The following GPRIN3 variants were observed in gnomAD, a reference collection of about 807,000 sequenced individuals.
GPRIN3 encodes GPRIN family member 3.
GPRIN3 carries 12 observed loss-of-function variants against 13.7 expected under a neutral mutation model. That is an observed-to-expected ratio of 0.87 (90% CI 0.56 to 1.42). The LOEUF (loss-of-function observed/expected upper bound fraction) is 1.42, where lower values mean the gene tolerates loss of function less well. GPRIN3 is among the 40% of genes most tolerant of loss of function. The pLI, the probability that GPRIN3 is intolerant of heterozygous loss-of-function variation, is 0.00. For missense variants in GPRIN3, 1,009 were observed against 958.7 expected (o/e 1.05, Z -0.69); for synonymous variants, 377 against 372.7 (o/e 1.01, Z -0.13).
intron 1 of GPRIN3, among the ~76,000 whole-genome samples, chr4:89,279,146 G>C (rs1724173784): frequency 6.6e-6 from 1 of 152,278 alleles, no homozygotes; most frequent in East Asian, 1.9e-4. Flanking sequence ...AATTTGGGGA[G>C]GTTGGACAGC....
rs1722886941 is a variant in GPRIN3 at position 89,240,175 on chromosome 4, C to T, written c.*7605G>A. ...AATCTTGTTCAGAGTTGACACTTGC[C>T]AGCTAATGATTCTAATGTTGTTAGA... On this transcript the variant is annotated 3_prime_UTR_variant, in exon 2 of 2. Coordinates refer to ENST00000609438, the MANE Select transcript of GPRIN3 (RefSeq NM_198281.3). 1 of 152,122 alleles carries T rather than the reference C, an allele frequency of 6.6e-6. No homozygotes were observed. Among genetic ancestry groups the T allele is most frequent in the Non-Finnish European group, 1.5e-5 (1 of 68,016 alleles). 9.4% of individuals were successfully genotyped at this position (152,122 alleles called of 1,614,324 possible).
rs57752539 is a variant in GPRIN3 at position 89,307,269 on chromosome 4, T to TCACACACACACACA, written c.-124+332_-124+345dup. 3.4e-3 allele frequency among the ~76,000 whole-genome samples: 505 copies of TCACACACACACACA among 147,270 alleles called. 2 individuals are homozygous for TCACACACACACACA. Among genetic ancestry groups the TCACACACACACACA allele is most frequent in the African/African-American group, 0.012 (473 of 39,864 alleles). ...TAAGCATAGGAAAATGAGACAAATG[T>TCACACACACACACA]CACACACACACACACACACACACAC... On this transcript the variant is annotated intron_variant, in intron 1 of 1. Transcript: ENST00000609438.
rs1723765306 is a variant in GPRIN3 at position 89,265,869 on chromosome 4, A to ATAGTTACTTTGTAAC, written c.-123-15637_-123-15636insGTTACAAAGTAACTA. Among the ~76,000 whole-genome samples, 2 of 152,206 alleles carry ATAGTTACTTTGTAAC rather than the reference A, an allele frequency of 1.3e-5. 1 individual carries two copies. Among genetic ancestry groups the ATAGTTACTTTGTAAC allele is most frequent in the South Asian group, 4.1e-4 (2 of 4,834 alleles). On this transcript the variant is annotated intron_variant, in intron 1 of 1. Coordinates refer to ENST00000609438, the MANE Select transcript of GPRIN3 (RefSeq NM_198281.3). Reference sequence around the variant, plus strand: ...TCATTACTTACTTTGTAACAATGTAATATAGTTTGTAACTAAAATGATAAG... The same window carrying ATAGTTACTTTGTAAC: ...TCATTACTTACTTTGTAACAATGTAATAGTTACTTTGTAACTATAGTTTGTAACTAAAATGATAAG...
At chr4:89,261,433 C>T (rs1171412128) in intron 1 of GPRIN3, among the ~76,000 whole-genome samples, 1 of 152,134 alleles carries the variant, frequency 6.6e-6, no homozygotes, top group Non-Finnish European at 1.5e-5. Flanking sequence ...GAATGAATGC[C>T]TGTGAGTTGA....
At chr4:89,286,455 C>T (rs142816453) in intron 1 of GPRIN3, among the ~76,000 whole-genome samples, 2 of 152,274 alleles carry the variant, frequency 1.3e-5, no homozygotes, top group East Asian at 3.9e-4. Context: ...CTTTCCTACA[C>T]TGTGTCTTTA....
chr4:89,261,513 A>G (rs930862580), intron 1 of GPRIN3, among the ~76,000 whole-genome samples: 4 of 152,238 alleles, frequency 2.6e-5, no homozygotes, highest in African/African-American at 9.6e-5. Context: ...CAAAGAGAGC[A>G]CTTCTCATAC....
chr4:89,258,479 G>T (rs955037061), intron 1 of GPRIN3, among the ~76,000 whole-genome samples: 1 of 152,116 alleles, frequency 6.6e-6, no homozygotes, highest in African/African-American at 2.4e-5. Context: ...CTCCCAAAGT[G>T]CTGGGATTAC....
Position 89,267,121 on chromosome 4 carries a change from G to A in GPRIN3, c.-123-16888C>T, listed in dbSNP as rs561232191. Among the ~76,000 whole-genome samples, 35 of 152,252 alleles carry A rather than the reference G, an allele frequency of 2.3e-4. No homozygotes were observed. In the South Asian group the frequency reaches 3.9e-3, roughly 17 times the overall value. On this transcript the variant is annotated intron_variant, in intron 1 of 1. Coordinates refer to ENST00000609438, the MANE Select transcript of GPRIN3 (RefSeq NM_198281.3). ...CTGGAAACAGTCTTATTTCAACTGTGTAAAATGTAGCAAAATGTAAAAGAA... is the reference window on the plus strand; with the variant it reads ...CTGGAAACAGTCTTATTTCAACTGTATAAAATGTAGCAAAATGTAAAAGAA...
intron 1 of GPRIN3, among the ~76,000 whole-genome samples, chr4:89,288,596 T>C (rs758042633): frequency 2.0e-5 from 3 of 152,184 alleles, no homozygotes; most frequent in Admixed American, 6.6e-5. Flanking sequence ...TGTTTTTCCA[T>C]GCAGGGCACT....
rs555563254 is a variant in GPRIN3 at position 89,264,534 on chromosome 4, C to T, written c.-123-14301G>A. Among the ~76,000 whole-genome samples, 374 of 152,266 alleles carry T rather than the reference C, an allele frequency of 2.5e-3. 2 individuals carry two copies. The highest frequency in any genetic ancestry group is 8.5e-3 in the African/African-American group (352 of 41,542). Reference sequence around the variant, plus strand: ...TTGGCTGCCTTCTCTTCCCTGCATACTTGGGGAAGAGAGTTCTAGGCAGAG... The same window carrying T: ...TTGGCTGCCTTCTCTTCCCTGCATATTTGGGGAAGAGAGTTCTAGGCAGAG... On this transcript the variant is annotated intron_variant, in intron 1 of 1. Transcript: ENST00000609438.
chr4:89,271,913 G>T (rs1234081769), intron 1 of GPRIN3, among the ~76,000 whole-genome samples: 1 of 152,134 alleles, frequency 6.6e-6, no homozygotes. Flanking sequence ...CCTTTGGGAA[G>T]TGATTAGGTC....
At chr4:89,283,602 C>T (rs1373008529) in intron 1 of GPRIN3, among the ~76,000 whole-genome samples, 1 of 152,006 alleles carries the variant, frequency 6.6e-6, no homozygotes, top group African/African-American at 2.4e-5. Flanking sequence ...AATGGTGAGC[C>T]CTTTGGTAGA....
At chr4:89,292,120 T>C (rs1325670587) in intron 1 of GPRIN3, among the ~76,000 whole-genome samples, 1 of 152,220 alleles carries the variant, frequency 6.6e-6, no homozygotes, top group African/African-American at 2.4e-5. Context: ...TGCTTCTATG[T>C]GATCAGATTA....
rs116011813 is a variant in GPRIN3, at chr4:89,263,442, C to A, written c.-123-13209G>T. Among the ~76,000 whole-genome samples the A allele has an allele frequency of 4.7e-3, 710 of 152,302 alleles. 2 individuals are homozygous for A. Among genetic ancestry groups the A allele is most frequent in the African/African-American group, 0.016 (670 of 41,576 alleles). Reference sequence around the variant, plus strand: ...GGGGTGGAGGCCCAGGAAGTCTGCACCATTTGCTGCAGGGAGGAGCCTGGC... The same window carrying A: ...GGGGTGGAGGCCCAGGAAGTCTGCAACATTTGCTGCAGGGAGGAGCCTGGC... On this transcript the variant is annotated intron_variant, in intron 1 of 1. Transcript: ENST00000609438.
At chr4:89,299,693 G>A (rs969612775) in intron 1 of GPRIN3, among the ~76,000 whole-genome samples, 3 of 152,088 alleles carry the variant, frequency 2.0e-5, no homozygotes, top group Admixed American at 6.5e-5. Flanking sequence ...GCATTTCCAG[G>A]CTATACAGAA....
intron 1 of GPRIN3, among the ~76,000 whole-genome samples, chr4:89,296,012 A>G (rs1561230401): frequency 1.3e-5 from 2 of 152,324 alleles, no homozygotes; most frequent in Non-Finnish European, 2.9e-5. Flanking sequence ...TGTTCTGAAC[A>G]TATTTCTACA....
chr4:89,275,799 C>T (rs1724076145), intron 1 of GPRIN3, among the ~76,000 whole-genome samples: 1 of 152,186 alleles, frequency 6.6e-6, no homozygotes, highest in African/African-American at 2.4e-5. Context: ...TGACGAACTA[C>T]AATGCCGTCA....
At chr4:89,254,865 T>C (rs1422131543) in intron 1 of GPRIN3, among the ~76,000 whole-genome samples, 4 of 152,230 alleles carry the variant, frequency 2.6e-5, no homozygotes, top group African/African-American at 9.6e-5. Context: ...TTCTTTTTCT[T>C]TTGAATTGAA....
intron 1 of GPRIN3, among the ~76,000 whole-genome samples, chr4:89,306,089 A>G (rs1446329397): frequency 6.6e-6 from 1 of 151,958 alleles, no homozygotes; most frequent in Non-Finnish European, 1.5e-5. Context: ...TCAATAACCT[A>G]TTCCCTCGAT....
Sources: gnomAD v4.1 joint callset for allele counts (sites outside exome capture counted in the v4.1 genomes callset) on GRCh38, gnomAD v4.1.1 for gene constraint, MANE v1.5 for transcripts, NCBI Gene and HGNC (gene_info 2026-07-23, HGNC 2026-07-21) for gene names.